Variants in TMEM33 observed in about 807,000 individuals in gnomAD.
The protein encoded by TMEM33 is transmembrane protein 33.
A neutral mutation model predicts 29.7 loss-of-function variants in TMEM33; 16 were observed. The observed-to-expected ratio is 0.54, with a 90% CI of 0.36 to 0.82. The LOEUF (loss-of-function observed/expected upper bound fraction) is 0.82, where lower values mean the gene tolerates loss of function less well. Ranked by LOEUF, TMEM33 falls within the 40% of genes least tolerant of loss-of-function variation. The probability of loss-of-function intolerance (pLI) is 0.00; values close to 1 mark genes in which losing one functional copy is unlikely to be tolerated. For missense variants in TMEM33, 252 were observed against 295.3 expected (o/e 0.85, Z 1.08); for synonymous variants, 112 against 109.4 (o/e 1.02, Z -0.15).
At chr4:41,941,675 A>G (rs1471663330) in intron 3 of TMEM33, among the ~76,000 whole-genome samples, 2 of 152,210 alleles carry the variant, frequency 1.3e-5, no homozygotes, top group Non-Finnish European at 2.9e-5. Context: ...TACAAAGGGA[A>G]TGTAGTAAAC....
intron 5 of TMEM33, among the ~76,000 whole-genome samples, chr4:41,945,334 G>A (rs1051509986): frequency 6.6e-6 from 1 of 152,116 alleles, no homozygotes; most frequent in African/African-American, 2.4e-5. Context: ...AGTAATACAT[G>A]AATAAAGAAA....
intron 6 of TMEM33, 188 bp from the exon 7 acceptor site, chr4:41,953,882 G>A: frequency 1.5e-6 from 1 of 665,694 alleles, no homozygotes; most frequent in Non-Finnish European, 2.7e-6. Flanking sequence ...AATTGGCAAA[G>A]TGTGACGCAG....
rs148604901 is a variant in TMEM33, at chr4:41,940,280, T to C, written c.328+897T>C. On this transcript the variant is annotated intron_variant, in intron 3 of 6. Transcript: ENST00000504986. ...AAATTTGTGGTTGTTTTTTTTCCTG[T>C]AGATTATCTCTGCAAATCATTTTGT... is the stretch of plus-strand genomic sequence containing the variant. Among the ~76,000 whole-genome samples the C allele has an allele frequency of 6.0e-3, 906 of 152,214 alleles. 8 individuals carry two copies. The highest frequency in any genetic ancestry group is 0.021 in the African/African-American group (877 of 41,546).
chr4:41,944,423 G>T (rs1427350698), intron 4 of TMEM33, among the ~76,000 whole-genome samples: 3 of 152,140 alleles, frequency 2.0e-5, no homozygotes, highest in East Asian at 3.8e-4. Flanking sequence ...TAATTACACT[G>T]CTGTATAATT....
intron 3 of TMEM33, among the ~76,000 whole-genome samples, chr4:41,942,500 G>T (rs182341004): frequency 1.3e-5 from 2 of 152,280 alleles, no homozygotes; most frequent in Admixed American, 1.3e-4. Context: ...TTATGTTACA[G>T]CAATCACTAT....
At chr4:41,935,358 C>T, upstream of TMEM33, 2 of 1,012,992 alleles carry the variant, frequency 2.0e-6, no homozygotes, top group South Asian at 1.4e-5. Flanking sequence ...CGGCAGGGTG[C>T]ATCCGGCCTG....
At chr4:41,943,608 A>C in intron 3 of TMEM33, 139 bp from the exon 4 acceptor site, 4 of 665,128 alleles carry the variant, frequency 6.0e-6, no homozygotes, top group Non-Finnish European at 1.0e-5. Flanking sequence ...ATTTGGCTTA[A>C]AGTGTATCAG....
Position 41,960,259 on chromosome 4 carries a change from A to G in TMEM33, c.*6060A>G, listed in dbSNP as rs1268312549. 1.3e-5 allele frequency: 2 copies of G among 152,200 alleles called. No homozygotes were observed. The highest frequency in any genetic ancestry group is 4.8e-5 in the African/African-American group (2 of 41,458). The allele number at this position is 152,200 out of a possible 1,614,324, so 9.4% of individuals were successfully genotyped here. ...CCAAATTGGATCACGATAGTAAATT[A>G]TCCATGCTGGTACCTGTGAAAGTAA... On this transcript the variant is annotated 3_prime_UTR_variant, in exon 7 of 7. Transcript: ENST00000504986.
chr4:41,939,151 C>A (rs1480775590), intron 2 of TMEM33, 45 bp from the exon 3 acceptor site: 14 of 1,516,316 alleles, frequency 9.2e-6, no homozygotes, highest in Non-Finnish European at 1.2e-5. Flanking sequence ...AGAGACACTG[C>A]AGTTGTTTAT....
At chr4:41,946,798 A>G (rs189937886) in intron 5 of TMEM33, among the ~76,000 whole-genome samples, 1 of 152,298 alleles carries the variant, frequency 6.6e-6, no homozygotes, top group African/African-American at 2.4e-5. Context: ...CTACACTTAG[A>G]AACTTTAATT....
At chr4:41,936,833 A>G (rs1352812205) in intron 1 of TMEM33, among the ~76,000 whole-genome samples, 2 of 152,242 alleles carry the variant, frequency 1.3e-5, no homozygotes, top group East Asian at 3.8e-4. Context: ...ATATATAGGT[A>G]CATCTAATAT....
intron 3 of TMEM33, among the ~76,000 whole-genome samples, chr4:41,942,166 T>A (rs1712569033): frequency 1.3e-5 from 2 of 152,252 alleles, no homozygotes; most frequent in Admixed American, 1.3e-4. Context: ...AAAGTTTAAA[T>A]TGAATTCTTT....
chr4:41,940,050 T>TC (rs1560516074), intron 3 of TMEM33, among the ~76,000 whole-genome samples: 1 of 124,890 alleles, frequency 8.0e-6, no homozygotes, highest in East Asian at 2.0e-4. Flanking sequence ...AACTTTCTTT[T>TC]TTTTTTTTTT....
chr4:41,943,609 AGT>A, intron 3 of TMEM33, 136 bp from the exon 4 acceptor site: 1 of 666,166 alleles, frequency 1.5e-6, no homozygotes, highest in African/African-American at 1.8e-5. Context: ...TTTGGCTTAA[AGT>A]GTATCAGTAA....
At chr4:41,943,706 C>T in intron 3 of TMEM33, 41 bp from the exon 4 acceptor site, 1 of 1,574,988 alleles carries the variant, frequency 6.3e-7, no homozygotes, top group South Asian at 1.1e-5. Flanking sequence ...TTGCAGAATA[C>T]TTGATGACTT....
At chr4:41,951,819 A>G (rs1313086536) in intron 6 of TMEM33, among the ~76,000 whole-genome samples, 1 of 152,206 alleles carries the variant, frequency 6.6e-6, no homozygotes, top group African/African-American at 2.4e-5. Flanking sequence ...AGTGCTTAGC[A>G]TACTTGAGCT....
intron 3 of TMEM33, among the ~76,000 whole-genome samples, chr4:41,941,093 TC>T (rs1442938521): frequency 6.6e-6 from 1 of 152,204 alleles, no homozygotes; most frequent in East Asian, 1.9e-4. Flanking sequence ...ATATGGAGAT[TC>T]CCTTTAAATT....
Position 41,938,674 on chromosome 4 carries a change from CTGTT to C in TMEM33, c.123_126del (p.Val42CysfsTer26). ...CTTGTTCACAGTTTACTGCTCTGCT[CTGTT>C]TGTTCTGCCTCTTCTTGGGTATGTA... is the stretch of plus-strand genomic sequence containing the variant. On this transcript the variant is annotated frameshift_variant, in exon 2 of 7. Transcript: ENST00000504986. LOFTEE classifies it high-confidence loss of function. 2 of 1,614,094 alleles carry C rather than the reference CTGTT, an allele frequency of 1.2e-6. No homozygotes were observed. The highest frequency in any genetic ancestry group is 1.7e-6 in the Non-Finnish European group (2 of 1,180,002).
intron 1 of TMEM33, among the ~76,000 whole-genome samples, chr4:41,936,349 T>G (rs1043042122): frequency 6.6e-6 from 1 of 152,146 alleles, no homozygotes; most frequent in Non-Finnish European, 1.5e-5. Flanking sequence ...GAGACCAGCC[T>G]TGGAAACATA....
Sources: gnomAD v4.1 joint callset for allele counts (sites outside exome capture counted in the v4.1 genomes callset) on GRCh38, gnomAD v4.1.1 for gene constraint, MANE v1.5 for transcripts, NCBI Gene and HGNC (gene_info 2026-07-23, HGNC 2026-07-21) for gene names.